PTPRT: variants seen among roughly 807,000 people sequenced by gnomAD.
PTPRT encodes the protein receptor-type tyrosine-protein phosphatase T.
PTPRT carries 56 observed loss-of-function variants against 176.8 expected under a neutral mutation model. The observed-to-expected ratio is 0.32, with a 90% CI of 0.26 to 0.40. The LOEUF is 0.40. PTPRT is among the 10% of genes least tolerant of loss of function. The pLI, the probability that PTPRT is intolerant of heterozygous loss-of-function variation, is 1.00. For synonymous variants in PTPRT, 783 were observed against 739.0 expected, an observed-to-expected ratio of 1.06 and a Z score of -0.96; for missense variants, 1,540 against 1,908.2, an observed-to-expected ratio of 0.81 and a Z score of 3.60.
chr20:42,355,646 G>C (rs1385882967), intron 9 of PTPRT, among the ~76,000 whole-genome samples: 1 of 152,110 alleles, frequency 6.6e-6, no homozygotes, highest in African/African-American at 2.4e-5. Flanking sequence ...GTGGATTCTG[G>C]TTTCCACTGT....
At chr20:42,661,750 A>T (rs62203855) in intron 7 of PTPRT, among the ~76,000 whole-genome samples, 14,129 of 152,246 alleles carry the variant, frequency 0.093, 920 homozygotes, top group Non-Finnish European at 0.14. Context: ...GAATCTCAGG[A>T]TGACTTGTGG....
At chr20:42,277,424 A>G (rs1416369042) in intron 13 of PTPRT, among the ~76,000 whole-genome samples, 1 of 152,216 alleles carries the variant, frequency 6.6e-6, no homozygotes, top group African/African-American at 2.4e-5. Flanking sequence ...GCTGGAGACA[A>G]GATGGGAGTG....
chr20:42,822,366 G>A (rs1049839421), intron 2 of PTPRT, among the ~76,000 whole-genome samples: 1 of 152,098 alleles, frequency 6.6e-6, no homozygotes, highest in Middle Eastern at 3.2e-3. Flanking sequence ...AACAGAAAGT[G>A]GACCACTTCC....
intron 1 of PTPRT, among the ~76,000 whole-genome samples, chr20:42,940,615 T>TG (rs1014918275): frequency 2.0e-5 from 3 of 151,022 alleles, no homozygotes; most frequent in African/African-American, 4.9e-5. Context: ...TGCTCTTAGG[T>TG]GGGGGAAAAA....
intron 8 of PTPRT, among the ~76,000 whole-genome samples, chr20:42,464,456 T>C (rs74819054): frequency 0.011 from 1,614 of 152,296 alleles, 58 homozygotes; most frequent in East Asian, 0.087. Flanking sequence ...GGGAATGCCC[T>C]TCAGGTAAGA....
intron 15 of PTPRT, among the ~76,000 whole-genome samples, chr20:42,229,778 A>G (rs2056096798): frequency 6.6e-6 from 1 of 152,226 alleles, no homozygotes; most frequent in Admixed American, 6.5e-5. Flanking sequence ...ACAGATGCAA[A>G]AATAGAAGCA....
chr20:42,831,140 T>C (rs1173369254), intron 2 of PTPRT, among the ~76,000 whole-genome samples: 2 of 152,164 alleles, frequency 1.3e-5, no homozygotes, highest in East Asian at 3.8e-4. Context: ...ACTACAGGGC[T>C]ACAGTAAATA....
chr20:42,950,102 C>A (rs1472313470), intron 1 of PTPRT, among the ~76,000 whole-genome samples: 5 of 152,160 alleles, frequency 3.3e-5, no homozygotes, highest in African/African-American at 1.2e-4. Flanking sequence ...TGACAGAATC[C>A]AAGCCTAGTA....
intron 2 of PTPRT, among the ~76,000 whole-genome samples, chr20:42,852,013 G>T (rs891098783): frequency 6.6e-6 from 1 of 151,934 alleles, no homozygotes; most frequent in African/African-American, 2.4e-5. Flanking sequence ...ATCTTATTTT[G>T]TATTCTGTTT....
intron 1 of PTPRT, among the ~76,000 whole-genome samples, chr20:42,973,308 A>G (rs944118895): frequency 1.3e-5 from 2 of 152,144 alleles, no homozygotes; most frequent in Admixed American, 1.3e-4. Flanking sequence ...AACCTTGAAA[A>G]TAACCAGCTC....
chr20:42,880,388 A>G (rs2078996775), intron 2 of PTPRT, among the ~76,000 whole-genome samples: 3 of 152,194 alleles, frequency 2.0e-5, no homozygotes, highest in Non-Finnish European at 4.4e-5. Context: ...TTTCTTATGT[A>G]CCTGATTTTG....
chr20:42,440,695 T>C (rs2059307438), intron 9 of PTPRT, among the ~76,000 whole-genome samples: 1 of 152,134 alleles, frequency 6.6e-6, no homozygotes, highest in South Asian at 2.1e-4. Context: ...GCCAGGATGG[T>C]CTCGATCTCC....
chr20:42,967,391 G>A (rs568159493), intron 1 of PTPRT, among the ~76,000 whole-genome samples: 16 of 152,218 alleles, frequency 1.1e-4, no homozygotes, highest in African/African-American at 3.6e-4. Context: ...AACAGAAGAG[G>A]AAAAGACACA....
chr20:43,021,981 G>A (rs1197334059), intron 1 of PTPRT, among the ~76,000 whole-genome samples: 1 of 152,084 alleles, frequency 6.6e-6, no homozygotes, highest in Non-Finnish European at 1.5e-5. Flanking sequence ...GGACAAAAGA[G>A]GTATGAGCTA....
intron 9 of PTPRT, among the ~76,000 whole-genome samples, chr20:42,445,689 T>C (rs1238589442): frequency 6.6e-6 from 1 of 152,156 alleles, no homozygotes; most frequent in Non-Finnish European, 1.5e-5. Context: ...TCTCTGCAAA[T>C]TATAGCCCAA....
rs1475485661 is a variant in PTPRT, at chr20:42,630,242, G to A, written c.1153+47624C>T. Reference sequence around the variant, plus strand: ...TTCTAGGAGCTAGAAAAAGTCAGCCGACAGATTCTGTCCCAGAACCTCTAG... The same window carrying A: ...TTCTAGGAGCTAGAAAAAGTCAGCCAACAGATTCTGTCCCAGAACCTCTAG... On this transcript the variant is annotated intron_variant, in intron 7 of 30. Coordinates refer to ENST00000373187, the MANE Select transcript of PTPRT (RefSeq NM_007050.6). 4.6e-5 allele frequency among the ~76,000 whole-genome samples: 7 copies of A among 152,190 alleles called. No homozygotes were observed. The East Asian group carries it at 5.8e-4, about 13-fold the overall frequency.
Position 42,756,773 on chromosome 20 carries a change from G to C in PTPRT, c.685-137C>G, listed in dbSNP as rs1405898286. 13 of 723,388 alleles carry C rather than the reference G, an allele frequency of 1.8e-5. No individual in the cohort carries two copies. The African/African-American group carries it at 2.2e-4, about 12-fold the overall frequency. 44.8% of individuals were successfully genotyped at this position (723,388 alleles called of 1,614,324 possible). On this transcript the variant is annotated intron_variant, in intron 5 of 30. Transcript: ENST00000373187. ...CACTATAATAAGGGATTTCCAGCCA[G>C]GCACAGTGGCTCATGCCTGTAATCC...
intron 27 of PTPRT, among the ~76,000 whole-genome samples, chr20:42,092,296 G>A (rs951462428): frequency 6.6e-6 from 1 of 152,202 alleles, no homozygotes; most frequent in African/African-American, 2.4e-5. Context: ...GCTGAAACTT[G>A]GAAGTAAACA....
chr20:42,105,178 T>G (rs1303011671), intron 24 of PTPRT, among the ~76,000 whole-genome samples: 2 of 152,216 alleles, frequency 1.3e-5, no homozygotes, highest in Non-Finnish European at 1.5e-5. Context: ...GTGGAATCAC[T>G]TGGACACGCA....
Sources: gnomAD v4.1 joint callset for allele counts (sites outside exome capture counted in the v4.1 genomes callset) on GRCh38, gnomAD v4.1.1 for gene constraint, MANE v1.5 for transcripts, NCBI Gene and HGNC (gene_info 2026-07-23, HGNC 2026-07-21) for gene names.